ZNF600: variants seen among roughly 807,000 people sequenced by gnomAD.
ZNF600 encodes the protein zinc finger protein 600, also known as zinc finger protein KR-ZNF1.
ZNF600 carries 4 observed loss-of-function variants against 7.3 expected under a neutral mutation model. That is an observed-to-expected ratio of 0.55 (90% confidence interval 0.27 to 1.25). The LOEUF is 1.25. Ranked by LOEUF, ZNF600 falls within the 50% of genes most tolerant of loss-of-function variation. The pLI is 0.12. For missense variants in ZNF600, 911 were observed against 922.1 expected (o/e 0.99, Z 0.16); for synonymous variants, 290 against 308.9 (o/e 0.94, Z 0.64).
At chr19:52,800,180 T>A in the ZNF600 span, 1 of 1,613,596 alleles carries the variant, frequency 6.2e-7, no homozygotes, top group Non-Finnish European at 8.5e-7. Context: ...CTTTCTCACA[T>A]TCTTCACATT....
At chr19:52,821,932 TAAA>T in the ZNF600 span, among the ~76,000 whole-genome samples, 17,797 of 149,872 alleles carry the variant, frequency 0.12, 1,279 homozygotes, top group South Asian at 0.21. Context: ...AAAAAAATAA[TAAA>T]AAAAAAATTT....
At chr19:52,802,240 G>A in the ZNF600 span, among the ~76,000 whole-genome samples, 8 of 152,138 alleles carry the variant, frequency 5.3e-5, no homozygotes, top group African/African-American at 1.7e-4. Context: ...ATGGTGGCCC[G>A]TGCCTGTACT....
At chr19:52,818,569 C>G in the ZNF600 span, among the ~76,000 whole-genome samples, 1 of 151,886 alleles carries the variant, frequency 6.6e-6, no homozygotes, top group African/African-American at 2.4e-5. Flanking sequence ...AAAAAGTAGC[C>G]GGGCTTGATG....
chr19:52,788,546 G>C (rs1475684851), upstream of ZNF600, among the ~76,000 whole-genome samples: 1 of 152,190 alleles, frequency 6.6e-6, no homozygotes, highest in East Asian at 1.9e-4. Context: ...CTGCACCAGA[G>C]ATTATGTGGA....
chr19:52,805,818 T>C, the ZNF600 span: 2 of 151,668 alleles, frequency 1.3e-5, no homozygotes, highest in Non-Finnish European at 2.9e-5. Context: ...CAGTCTCTAC[T>C]AAAAATACAA....
chr19:52,823,464 C>A, the ZNF600 span, among the ~76,000 whole-genome samples: 1 of 152,138 alleles, frequency 6.6e-6, no homozygotes. Context: ...GATCCACCCA[C>A]CTTAGCCTCC....
chr19:52,774,522 C>T, intron 3 of ZNF600, 53 bp downstream of exon 5: 1 of 983,170 alleles, frequency 1.0e-6, no homozygotes, highest in African/African-American at 1.8e-5. Flanking sequence ...CCAGGAAGGG[C>T]CAAGATAGAC....
At chr19:52,809,482 G>A in the ZNF600 span, among the ~76,000 whole-genome samples, 2 of 152,334 alleles carry the variant, frequency 1.3e-5, no homozygotes, top group South Asian at 2.1e-4. Context: ...ACTTGAGGGT[G>A]GAGGGTGGGA....
At chr19:52,809,201 A>G in the ZNF600 span, among the ~76,000 whole-genome samples, 2 of 152,206 alleles carry the variant, frequency 1.3e-5, no homozygotes, top group Admixed American at 6.6e-5. Context: ...TAGAAGAAGC[A>G]ATCACCCTTT....
the ZNF600 span, chr19:52,810,543 C>G: frequency 8.1e-6 from 13 of 1,596,150 alleles, no homozygotes; most frequent in African/African-American, 1.2e-4. Flanking sequence ...ACCAACAGAC[C>G]AGGCATCAGC....
chr19:52,810,882 TCCCCCTC>T, the ZNF600 span, among the ~76,000 whole-genome samples: 26 of 5,078 alleles, frequency 5.1e-3, no homozygotes, highest in South Asian at 0.031. Context: ...CCCCTCCCCC[TCCCCCTC>T]CCCCTCCCCC....
chr19:52,798,435 AAAC>A, the ZNF600 span: 13 of 430,098 alleles, frequency 3.0e-5, no homozygotes, highest in Admixed American at 3.9e-4. Flanking sequence ...ATGGCATTTG[AAAC>A]AACTGTCTCC....
chr19:52,810,801 T>C, the ZNF600 span: 5 of 415,148 alleles, frequency 1.2e-5, no homozygotes, highest in Non-Finnish European at 2.1e-5. Flanking sequence ...GAAGATGACC[T>C]TGATGGAAAA....
chr19:52,782,010 G>A (rs541201113), intron 1 of ZNF600, among the ~76,000 whole-genome samples: 154 of 151,654 alleles, frequency 1.0e-3, no homozygotes, highest in Non-Finnish European at 1.6e-3. Flanking sequence ...GCAGTGAGAC[G>A]AGATCGTGCC....
chr19:52,827,108 G>A, the ZNF600 span, among the ~76,000 whole-genome samples: 2 of 151,796 alleles, frequency 1.3e-5, no homozygotes, highest in Non-Finnish European at 2.9e-5. Context: ...AGCCAGATAT[G>A]GTGACACATG....
At chr19:52,768,308 C>A (rs2062605287) in intron 3 of ZNF600, among the ~76,000 whole-genome samples, 1 of 150,972 alleles carries the variant, frequency 6.6e-6, no homozygotes, top group Admixed American at 6.6e-5. Context: ...GTGTGCTGGC[C>A]CGTGCCTGAC....
the ZNF600 span, among the ~76,000 whole-genome samples, chr19:52,794,661 G>C: frequency 2.1e-3 from 327 of 152,228 alleles, 4 homozygotes; most frequent in African/African-American, 7.4e-3. Context: ...TGAAACCAAC[G>C]TGGGAGACGT....
chr19:52,795,964 C>G, the ZNF600 span, among the ~76,000 whole-genome samples: 4 of 152,094 alleles, frequency 2.6e-5, no homozygotes, highest in African/African-American at 9.7e-5. Flanking sequence ...CGCCTCAGCC[C>G]TGGAGTTCGA....
At chr19:52,767,476 G>C (rs74752901) in exon 4 of ZNF600, 1 of 1,614,146 alleles carries the variant, frequency 6.2e-7, no homozygotes, top group East Asian at 2.2e-5. Context: ...TCAGGCAGAT[G>C]TGAATAAAAG....
Sources: allele counts gnomAD v4.1 joint callset (sites outside exome capture counted in the v4.1 genomes callset), GRCh38; gene constraint gnomAD v4.1.1; transcripts MANE v1.5; gene names NCBI Gene and HGNC (gene_info 2026-07-23, HGNC 2026-07-21).